MARCHF7: variants seen among roughly 807,000 people sequenced by gnomAD.
MARCHF7 encodes the protein membrane associated ring-CH-type finger 7.
A neutral mutation model predicts 76.5 loss-of-function variants in MARCHF7; 20 were observed. The observed-to-expected ratio is 0.26, with a 90% confidence interval of 0.18 to 0.38. The LOEUF (loss-of-function observed/expected upper bound fraction) is 0.38, where lower values mean the gene tolerates loss of function less well. Among genes scored for constraint, MARCHF7 ranks in the 10% least tolerant of loss-of-function variants. The pLI, the probability that MARCHF7 is intolerant of heterozygous loss-of-function variation, is 1.00. For synonymous variants in MARCHF7, 295 were observed against 293.0 expected, an observed-to-expected ratio of 1.01 and a Z score of -0.07; for missense variants, 797 against 812.9, an observed-to-expected ratio of 0.98 and a Z score of 0.24.
At chr2:159,723,812 C>A (rs1452884930) in intron 3 of MARCHF7, among the ~76,000 whole-genome samples, 1 of 152,148 alleles carries the variant, frequency 6.6e-6, no homozygotes, top group Non-Finnish European at 1.5e-5. Flanking sequence ...GCCTTTTCTT[C>A]TATATACACA....
chr2:159,726,731 C>T (rs962114227), intron 3 of MARCHF7, among the ~76,000 whole-genome samples: 1 of 152,146 alleles, frequency 6.6e-6, no homozygotes, highest in Non-Finnish European at 1.5e-5. Flanking sequence ...GTGCAAACAT[C>T]ACTATCATCT....
chr2:159,748,888 A>G lies in MARCHF7; in HGVS notation c.1598A>G (p.Gln533Arg). The G allele has an allele frequency of 2.5e-6, 4 of 1,602,544 alleles. No homozygotes were observed. Among genetic ancestry groups the G allele is most frequent in the Non-Finnish European group, 3.4e-6 (4 of 1,175,124 alleles). Residue 533 changes from glutamine to arginine, a missense_variant, in exon 7 of 12, where the codon CAG becomes CGG. Coordinates refer to ENST00000409175, the MANE Select transcript of MARCHF7 (RefSeq NM_001282805.2). ...CCTTCAAGAGATCCAGAAAGATTGC[A>G]GAAAATAAAAGAGAGGTAAATTCGA... ...SAPSRDPERL[Q>R]KIKESLLLED...
intron 3 of MARCHF7, among the ~76,000 whole-genome samples, chr2:159,724,297 A>C (rs555664338): frequency 1.3e-5 from 2 of 152,112 alleles, no homozygotes; most frequent in Non-Finnish European, 2.9e-5. Context: ...AACTTATAGG[A>C]TCTTCCCATT....
intron 4 of MARCHF7, among the ~76,000 whole-genome samples, chr2:159,737,310 A>G (rs1451761334): frequency 6.6e-6 from 1 of 152,234 alleles, no homozygotes; most frequent in Admixed American, 6.5e-5. Context: ...ATATATGAAG[A>G]ACTCTTACCT....
rs1210018083 is a variant in MARCHF7 at position 159,748,973 on chromosome 2, C to CTTTTTTTTTTTTTTTTTTTTTT, written c.1613+74_1613+75insTTTTTTTTTTTTTTTTTTTTTT. ...AAAGAACTCTTCATTTCTTTTTTTT[C>CTTTTTTTTTTTTTTTTTTTTTT]TTTTCTTTTTTTTTTTTTTTTTTGA... is the stretch of plus-strand genomic sequence containing the variant. On this transcript the variant is annotated intron_variant, in intron 7 of 11. Transcript: ENST00000409175. 9.1e-6 allele frequency: 6 copies of CTTTTTTTTTTTTTTTTTTTTTT among 655,840 alleles called. 1 individual carries two copies. Among genetic ancestry groups the CTTTTTTTTTTTTTTTTTTTTTT allele is most frequent in the Non-Finnish European group, 4.2e-6 (2 of 477,498 alleles). 40.6% of individuals were successfully genotyped at this position (655,840 alleles called of 1,614,324 possible). A position where few individuals can be genotyped will look rare whatever the true frequency, so the allele number is the denominator to read the frequency against.
At chr2:159,729,844 A>G (rs1407494852) in intron 4 of MARCHF7, among the ~76,000 whole-genome samples, 1 of 152,216 alleles carries the variant, frequency 6.6e-6, no homozygotes, top group Non-Finnish European at 1.5e-5. Context: ...CTGCATATAC[A>G]CAAAGCAGTG....
intron 3 of MARCHF7, among the ~76,000 whole-genome samples, chr2:159,726,517 C>T (rs986090041): frequency 9.2e-5 from 14 of 152,052 alleles, no homozygotes; most frequent in Non-Finnish European, 1.9e-4. Context: ...CTGCCTCAGC[C>T]TCCCAAAGTG....
At chr2:159,762,801 A>G (rs1707273647) in intron 9 of MARCHF7, 79 bp from the exon 10 acceptor site, 1 of 751,946 alleles carries the variant, frequency 1.3e-6, no homozygotes, top group African/African-American at 1.7e-5. Flanking sequence ...TTATCAGTGT[A>G]CTGTGAGTAT....
chr2:159,749,346 T>TG (rs1246061922), intron 7 of MARCHF7, among the ~76,000 whole-genome samples: 3 of 151,648 alleles, frequency 2.0e-5, no homozygotes, highest in Non-Finnish European at 4.4e-5. Flanking sequence ...GTTTTTGTTT[T>TG]TTTTTGTTGT....
chr2:159,743,052 A>G lies in MARCHF7; in HGVS notation c.154-9A>G. On this transcript the variant is annotated splice_polypyrimidine_tract_variant and intron_variant, in intron 4 of 11. Coordinates refer to ENST00000409175, the MANE Select transcript of MARCHF7 (RefSeq NM_001282805.2). ...TTTTGTTGTTTAAAAAATTTTTTTG[A>G]ACTCACAGTCTACATCAGCATCAGC... The G allele has an allele frequency of 6.3e-7, 1 of 1,599,224 alleles. No homozygotes were observed. Among genetic ancestry groups the G allele is most frequent in the Non-Finnish European group, 8.5e-7 (1 of 1,172,440 alleles).
chr2:159,767,367 C>G lies in MARCHF7; in HGVS notation c.*25C>G. The G allele has an allele frequency of 6.4e-7, 1 of 1,558,234 alleles. No homozygotes were observed. The highest frequency in any genetic ancestry group is 1.7e-4 in the Middle Eastern group (1 of 5,956). On this transcript the variant is annotated 3_prime_UTR_variant, in exon 12 of 12. Transcript: ENST00000409175. ...ACTTCATATAAGACAGATGGATGATCTGTGAACATAAGTGTTTATTAAAAA... is the reference window on the plus strand; with the variant it reads ...ACTTCATATAAGACAGATGGATGATGTGTGAACATAAGTGTTTATTAAAAA...
chr2:159,716,355 A>G (rs960134955), intron 3 of MARCHF7, among the ~76,000 whole-genome samples: 7 of 151,950 alleles, frequency 4.6e-5, no homozygotes, highest in Admixed American at 4.6e-4. Flanking sequence ...CTCTTGAAAT[A>G]TTGCATTGGG....
chr2:159,756,843 T>A (rs189300599), intron 8 of MARCHF7, among the ~76,000 whole-genome samples: 1 of 152,300 alleles, frequency 6.6e-6, no homozygotes, highest in East Asian at 1.9e-4. Flanking sequence ...GTTCATAGTT[T>A]CCCACTGTAC....
At chr2:159,745,710 TG>T in intron 5 of MARCHF7, 59 bp from the exon 6 acceptor site, 1 of 1,147,480 alleles carries the variant, frequency 8.7e-7, no homozygotes, top group Non-Finnish European at 1.3e-6. Flanking sequence ...TACTGAAGAT[TG>T]TCATCATCCA....
intron 4 of MARCHF7, among the ~76,000 whole-genome samples, chr2:159,732,263 T>G (rs1435460756): frequency 6.6e-6 from 1 of 152,208 alleles, no homozygotes; most frequent in Non-Finnish European, 1.5e-5. Flanking sequence ...ATTCAAAAAT[T>G]ACTTGCAAAC....
intron 4 of MARCHF7, 123 bp from the exon 5 acceptor site, chr2:159,742,936 CAA>C (rs67868976): frequency 5.7e-4 from 431 of 762,186 alleles, no homozygotes; most frequent in Admixed American, 9.7e-4. Context: ...GACTCAGTCT[CAA>C]AAAAAAAAAA....
rs1289477554 is a variant in MARCHF7, at chr2:159,743,246, A to G, written c.339A>G (p.Thr113=). The part of the protein sequence containing the change: ...AGRNVGNGLN[T]LSDSSWRHSQ... The stretch of plus-strand genomic sequence containing the variant: ...GAAATGTTGGAAATGGTTTAAACAC[A>G]TTATCAGGTAAGAATGAGTTTCTGT... The change falls in exon 5 of 12, where the codon ACA becomes ACG. Residue 113 remains threonine, a synonymous_variant. Transcript: ENST00000409175. The G allele has an allele frequency of 3.1e-6, 5 of 1,612,544 alleles. No homozygotes were observed. The highest frequency in any genetic ancestry group is 1.6e-4 in the Middle Eastern group (1 of 6,072).
chr2:159,742,979 G>A, intron 4 of MARCHF7, 82 bp from the exon 5 acceptor site: 1 of 1,212,942 alleles, frequency 8.2e-7, no homozygotes, highest in Non-Finnish European at 1.2e-6. Context: ...TGATGCTTGT[G>A]GGAATTTATT....
intron 8 of MARCHF7, among the ~76,000 whole-genome samples, chr2:159,755,331 C>T (rs1457415284): frequency 6.6e-6 from 1 of 151,980 alleles, no homozygotes; most frequent in Non-Finnish European, 1.5e-5. Context: ...ATATTGGAAG[C>T]AAAGATATTG....
Sources: gnomAD v4.1 joint callset for allele counts (sites outside exome capture counted in the v4.1 genomes callset) on GRCh38, gnomAD v4.1.1 for gene constraint, MANE v1.5 for transcripts, NCBI Gene and HGNC (gene_info 2026-07-23, HGNC 2026-07-21) for gene names.